The following LAMA1 variants were observed in gnomAD, a reference collection of about 807,000 sequenced individuals.
LAMA1 encodes the protein laminin subunit alpha-1.
A neutral mutation model predicts 348.7 loss-of-function variants in LAMA1; 219 were observed. The ratio of observed to expected loss-of-function variants is 0.63; its 90% CI spans 0.56 to 0.70. LAMA1 has a LOEUF of 0.70. Ranked by LOEUF, LAMA1 falls within the 30% of genes least tolerant of loss-of-function variation. LAMA1 has a pLI of 0.00. For synonymous variants in LAMA1, 1,487 were observed against 1,491.0 expected, an observed-to-expected ratio of 1.00 and a Z score of 0.06; for missense variants, 3,744 against 3,888.0, an observed-to-expected ratio of 0.96 and a Z score of 0.99.
chr18:6,987,780 A>C (rs924225810), intron 36 of LAMA1, among the ~76,000 whole-genome samples: 1 of 152,202 alleles, frequency 6.6e-6, no homozygotes, highest in African/African-American at 2.4e-5. Context: ...TAACATCGGC[A>C]CTTATAATTT....
At chr18:7,107,721 G>A (rs1742293950) in intron 1 of LAMA1, among the ~76,000 whole-genome samples, 1 of 152,174 alleles carries the variant, frequency 6.6e-6, no homozygotes, top group South Asian at 2.1e-4. Flanking sequence ...CCAATGAGGT[G>A]TTAACTCTAA....
At chr18:7,085,564 A>G (rs145612910) in intron 1 of LAMA1, among the ~76,000 whole-genome samples, 3,656 of 151,412 alleles carry the variant, frequency 0.024, 51 homozygotes, top group Middle Eastern at 0.059. Flanking sequence ...GACTATAGGC[A>G]CCCGCCACCA....
intron 3 of LAMA1, among the ~76,000 whole-genome samples, chr18:7,074,270 G>A (rs2058157887): frequency 6.6e-6 from 1 of 152,166 alleles, no homozygotes; most frequent in African/African-American, 2.4e-5. Flanking sequence ...TAATGGGTGT[G>A]AAGGGGTATC....
chr18:7,082,181 T>G (rs2058195746), intron 1 of LAMA1, among the ~76,000 whole-genome samples: 1 of 152,166 alleles, frequency 6.6e-6, no homozygotes, highest in African/African-American at 2.4e-5. Flanking sequence ...AAGGACCCCA[T>G]TCTGTCAATA....
rs2058189287 is a variant in LAMA1, at chr18:7,080,564, G to A, written c.62-107C>T. 2.6e-6 allele frequency: 3 copies of A among 1,155,300 alleles called. No homozygotes were observed. In the South Asian group the frequency reaches 3.9e-5, roughly 15 times the overall value. 71.6% of individuals were successfully genotyped at this position (1,155,300 alleles called of 1,614,324 possible). ...TCAAAAGGAGATTGAAAGTCTATGT[G>A]CTGAATGAAGGAATCCTTACACAAA... is the stretch of plus-strand genomic sequence containing the variant. On this transcript the variant is annotated intron_variant, in intron 1 of 62. Transcript: ENST00000389658.
Position 7,034,563 on chromosome 18 carries a change from C to A in LAMA1, c.1967G>T (p.Arg656Leu), listed in dbSNP as rs556604476. The A allele has an allele frequency of 6.2e-6, 10 of 1,614,002 alleles. No homozygotes were observed. In the Admixed American group the frequency reaches 8.3e-5, roughly 13 times the overall value. Residue 656 changes from arginine to leucine, a missense_variant, in exon 14 of 63, where the codon CGT becomes CTT. Transcript: ENST00000389658. ...GGCAAGGACAGTCATCAGCTGGTCA[C>A]GATCAATCTGCCTTTTGCTGTGAAA... ...QDFHSKRQID[R>L]DQLMTVLANV...
intron 16 of LAMA1, among the ~76,000 whole-genome samples, chr18:7,030,332 A>G (rs2057963050): frequency 6.6e-6 from 1 of 152,222 alleles, no homozygotes; most frequent in African/African-American, 2.4e-5. Context: ...AGTGCTCTTC[A>G]AAAGTGTCAT....
intron 1 of LAMA1, among the ~76,000 whole-genome samples, chr18:7,081,862 A>T (rs1310545522): frequency 6.6e-6 from 1 of 152,190 alleles, no homozygotes; most frequent in East Asian, 1.9e-4. Context: ...TCTTTGTAAA[A>T]ACCATATAGA....
At chr18:7,002,511 G>C (rs1333418863) in intron 29 of LAMA1, 126 bp from the exon 30 acceptor site, 1 of 1,053,570 alleles carries the variant, frequency 9.5e-7, no homozygotes, top group African/African-American at 1.6e-5. Flanking sequence ...CTTCAGGAAA[G>C]GGGAGCATTT....
chr18:7,094,040 G>A (rs1041648803), intron 1 of LAMA1, among the ~76,000 whole-genome samples: 3 of 152,056 alleles, frequency 2.0e-5, no homozygotes, highest in African/African-American at 7.2e-5. Context: ...GTCTCCCAAA[G>A]TGCCAGGATT....
At position 6,950,803 on chromosome 18, in the gene LAMA1, G is replaced by A. The variant is rs2057542828; in HGVS notation, c.8376C>T (p.Leu2792=). 6.2e-7 allele frequency: 1 copy of A among 1,613,956 alleles called. No individual in the cohort carries two copies. The highest frequency in any genetic ancestry group is 8.5e-7 in the Non-Finnish European group (1 of 1,179,990). ...GRTKVSHPAL[L]SDGKWHTVKT... is the part of the protein sequence containing the mutation. ...GTACCGTGTGCCACTTGCCATCACTGAGCAGTGCAGGGTGAGAGACCTTTG... is the reference window on the plus strand; with the variant it reads ...GTACCGTGTGCCACTTGCCATCACTAAGCAGTGCAGGGTGAGAGACCTTTG... The change falls in exon 58 of 63, where the codon CTC becomes CTT. Residue 2792 remains leucine, a synonymous_variant. Coordinates refer to ENST00000389658, the MANE Select transcript of LAMA1 (RefSeq NM_005559.4).
intron 4 of LAMA1, 141 bp from the exon 5 acceptor site, chr18:7,049,398 C>T (rs2058054349): frequency 2.8e-6 from 2 of 716,768 alleles, no homozygotes; most frequent in Admixed American, 2.1e-5. Flanking sequence ...CTCCCAGGTT[C>T]AAGCAATTCT....
chr18:7,098,738 C>A (rs1433998513), intron 1 of LAMA1, among the ~76,000 whole-genome samples: 4 of 144,626 alleles, frequency 2.8e-5, no homozygotes, highest in African/African-American at 5.1e-5. Flanking sequence ...GCCCCCCGCC[C>A]GGCCAGCCAC....
chr18:7,057,749 G>A (rs1303213133), intron 3 of LAMA1, among the ~76,000 whole-genome samples: 1 of 150,180 alleles, frequency 6.7e-6, no homozygotes, highest in Admixed American at 6.6e-5. Context: ...AAACTGCCGT[G>A]ATTACAGATG....
At chr18:6,953,365 T>C (rs2057558881) in intron 57 of LAMA1, among the ~76,000 whole-genome samples, 1 of 152,274 alleles carries the variant, frequency 6.6e-6, no homozygotes. Context: ...GATGCTGGCA[T>C]ATTGTTATAA....
In LAMA1 at chr18:7,038,940, T is replaced by A. The variant is rs767857780; in HGVS notation, c.1433A>T (p.Glu478Val). 6.2e-7 allele frequency: 1 copy of A among 1,613,506 alleles called. No individual in the cohort carries two copies. The highest frequency in any genetic ancestry group is 1.1e-5 in the South Asian group (1 of 91,064). Residue 478 changes from glutamate to valine, a missense_variant, in exon 11 of 63, where the codon GAG becomes GTG. By Grantham distance (121) the Glu-to-Val change is moderately radical (BLOSUM62 -2). This residue lies in a region of LAMA1 where 1,529 missense variants were observed against 1,689.4 expected (regional missense o/e 0.91). Coordinates refer to ENST00000389658, the MANE Select transcript of LAMA1 (RefSeq NM_005559.4). Reference protein sequence around the residue: ...TGPCVCKENVEGKACDRCKPG... With the variant: ...TGPCVCKENVVGKACDRCKPG... ...CTTGCAGCGATCACAGGCCTTCCCC[T>A]CAACGTTTTCCTGTAAGTTAGGGTA...
chr18:7,104,093 C>G (rs534966006), intron 1 of LAMA1, among the ~76,000 whole-genome samples: 9 of 152,248 alleles, frequency 5.9e-5, no homozygotes, highest in Admixed American at 3.9e-4. Flanking sequence ...AATTCTCTGC[C>G]TCAGCTTCCT....
chr18:7,055,675 T>C (rs1247760697), intron 3 of LAMA1, among the ~76,000 whole-genome samples: 1 of 152,154 alleles, frequency 6.6e-6, no homozygotes, highest in Non-Finnish European at 1.5e-5. Flanking sequence ...GCCAGAAACA[T>C]TCTCCAATCG....
At chr18:7,053,227 C>T (rs774540793) in intron 3 of LAMA1, among the ~76,000 whole-genome samples, 3 of 152,172 alleles carry the variant, frequency 2.0e-5, no homozygotes, top group East Asian at 3.9e-4. Context: ...ATTTTTAGGG[C>T]GGTGAAACCA....
Sources: allele counts gnomAD v4.1 joint callset (sites outside exome capture counted in the v4.1 genomes callset), GRCh38; gene constraint gnomAD v4.1.1; regional missense constraint gnomAD v4.1.1; transcripts MANE v1.5; gene names NCBI Gene and HGNC (gene_info 2026-07-23, HGNC 2026-07-21).